The following REPS1 variants were observed in gnomAD, a reference collection of about 807,000 sequenced individuals.
The protein encoded by REPS1 is RALBP1 associated Eps domain containing 1, also known as ralBP1-associated Eps domain-containing protein 1.
Under a neutral mutation model 100.9 loss-of-function variants are expected in REPS1, and 39 were observed. That is an observed-to-expected ratio of 0.39 (90% confidence interval 0.30 to 0.50). The LOEUF (loss-of-function observed/expected upper bound fraction) is 0.50, where lower values mean the gene tolerates loss of function less well. Ranked by LOEUF, REPS1 falls within the 20% of genes least tolerant of loss-of-function variation. The probability of loss-of-function intolerance (pLI) is 0.86; values close to 1 mark genes in which losing one functional copy is unlikely to be tolerated. For synonymous variants in REPS1, 324 were observed against 340.3 expected (o/e 0.95, Z 0.53); for missense variants, 821 against 968.5 (o/e 0.85, Z 2.02).
intron 10 of REPS1, 22 bp from the exon 11 acceptor site, chr6:138,921,146 T>G (rs766438444): frequency 8.1e-6 from 12 of 1,479,800 alleles, no homozygotes; most frequent in African/African-American, 1.4e-5. Flanking sequence ...TGGGAGGAAA[T>G]AAAGAATTTG....
In REPS1 at chr6:138,987,710, C is replaced by A; in HGVS notation, c.-28G>T. 1 of 1,527,666 alleles carries A rather than the reference C, an allele frequency of 6.5e-7. No individual in the cohort carries two copies. The highest frequency in any genetic ancestry group is 8.8e-7 in the Non-Finnish European group (1 of 1,135,362). 94.6% of individuals were successfully genotyped at this position (1,527,666 alleles called of 1,614,324 possible). A position where few individuals can be genotyped will look rare whatever the true frequency, so the allele number is the denominator to read the frequency against. On this transcript the variant is annotated 5_prime_UTR_variant, in exon 1 of 20. Coordinates refer to ENST00000450536, the MANE Select transcript of REPS1 (RefSeq NM_001286611.2). ...TCGCCTCCGGCTCACGGCCGCCCCG[C>A]CCCGCATGCACTACTCGGGGCCCGG... is the stretch of plus-strand genomic sequence containing the variant.
intron 14 of REPS1, 134 bp from the exon 15 acceptor site, chr6:138,914,895 A>C: frequency 6.8e-6 from 5 of 739,368 alleles, no homozygotes; most frequent in Non-Finnish European, 9.0e-6. Flanking sequence ...GGCAAGTACT[A>C]ACTTGTTACA....
At chr6:138,974,063 T>C (rs1267837555) in intron 1 of REPS1, among the ~76,000 whole-genome samples, 1 of 152,110 alleles carries the variant, frequency 6.6e-6, no homozygotes, top group Non-Finnish European at 1.5e-5. Context: ...CCCAGTGCCC[T>C]AGGTACATAC....
rs1047356129 is a variant in REPS1, at chr6:138,976,286, G to T, written c.153+11244C>A. Among the ~76,000 whole-genome samples the T allele has an allele frequency of 3.9e-5, 6 of 152,234 alleles. No homozygotes were observed. In the South Asian group the frequency reaches 1.2e-3, roughly 32 times the overall value. Reference sequence around the variant, plus strand: ...TTGCATAACCCATGGACAAAAAGAAGCAATAATCACTTCATGCAATTTTTT... The same window carrying T: ...TTGCATAACCCATGGACAAAAAGAATCAATAATCACTTCATGCAATTTTTT... On this transcript the variant is annotated intron_variant, in intron 1 of 19. Transcript: ENST00000450536.
At chr6:138,922,504 G>GA (rs1562521655) in intron 10 of REPS1, among the ~76,000 whole-genome samples, 1 of 152,148 alleles carries the variant, frequency 6.6e-6, no homozygotes, top group Non-Finnish European at 1.5e-5. Context: ...AAGCACAAAA[G>GA]AAAGGATGAG....
chr6:138,928,121 T>C (rs1781259132), intron 9 of REPS1: 1 of 152,210 alleles, frequency 6.6e-6, no homozygotes, highest in Non-Finnish European at 1.5e-5. Context: ...CCAGTTACGC[T>C]GTGCAAACTT....
At chr6:138,945,435 A>G in intron 3 of REPS1, 63 bp from the exon 4 acceptor site, 4 of 1,581,396 alleles carry the variant, frequency 2.5e-6, no homozygotes, top group Non-Finnish European at 2.6e-6. Flanking sequence ...TTAAGCTACC[A>G]ATAAGAGCCT....
At chr6:138,965,850 T>G (rs1238997574) in intron 1 of REPS1, among the ~76,000 whole-genome samples, 1 of 152,184 alleles carries the variant, frequency 6.6e-6, no homozygotes, top group South Asian at 2.1e-4. Flanking sequence ...CTCTCTTTTC[T>G]TACATTGAAA....
chr6:138,933,633 A>G (rs1405175614), intron 8 of REPS1, among the ~76,000 whole-genome samples: 4 of 152,214 alleles, frequency 2.6e-5, no homozygotes, highest in African/African-American at 9.6e-5. Flanking sequence ...GTCTTCTATT[A>G]AGACAGATGT....
intron 1 of REPS1, among the ~76,000 whole-genome samples, chr6:138,975,639 C>T (rs892749012): frequency 1.3e-5 from 2 of 152,136 alleles, no homozygotes; most frequent in African/African-American, 4.8e-5. Flanking sequence ...TCGAGACCAG[C>T]CTGGCCAACA....
chr6:138,957,793 T>C (rs538484251), intron 1 of REPS1, among the ~76,000 whole-genome samples: 2 of 152,344 alleles, frequency 1.3e-5, no homozygotes, highest in Admixed American at 1.3e-4. Flanking sequence ...GCTGTAATCA[T>C]AGTACAATAC....
At chr6:138,914,643 C>A in intron 15 of REPS1, 54 bp downstream of exon 15, 1 of 1,375,340 alleles carries the variant, frequency 7.3e-7, no homozygotes, top group Non-Finnish European at 1.0e-6. Flanking sequence ...AATTAAATAC[C>A]TAGCAGGCAA....
intron 17 of REPS1, chr6:138,911,060 C>A: frequency 2.3e-6 from 1 of 434,678 alleles, no homozygotes; most frequent in Non-Finnish European, 4.1e-6. Flanking sequence ...AATGCAATAA[C>A]CACTTAAATT....
At chr6:138,984,331 C>T (rs1324967631) in intron 1 of REPS1, among the ~76,000 whole-genome samples, 1 of 152,154 alleles carries the variant, frequency 6.6e-6, no homozygotes, top group Non-Finnish European at 1.5e-5. Flanking sequence ...GATCCACCTG[C>T]CTCAGCCTCC....
At chr6:138,921,933 C>T (rs1317703299) in intron 10 of REPS1, among the ~76,000 whole-genome samples, 1 of 151,214 alleles carries the variant, frequency 6.6e-6, no homozygotes, top group Non-Finnish European at 1.5e-5. Flanking sequence ...GATCATGCCA[C>T]ATCATTTCAG....
At chr6:138,926,305 T>G (rs772954663) in intron 10 of REPS1, 96 bp downstream of exon 10, 121 of 875,256 alleles carry the variant, frequency 1.4e-4, no homozygotes, top group African/African-American at 1.1e-3. Flanking sequence ...CTCTAAGCAC[T>G]CCACTGAATC....
In REPS1 at chr6:138,945,116, C is replaced by T. The variant is rs1012715223; in HGVS notation, c.628+103G>A. Reference sequence around the variant, plus strand: ...GGTTCTGTGGCACAAGCCTATAATCCCCACCTACTCAGGAGGCTGAGGCAG... The same window carrying T: ...GGTTCTGTGGCACAAGCCTATAATCTCCACCTACTCAGGAGGCTGAGGCAG... On this transcript the variant is annotated intron_variant, in intron 4 of 19. Transcript: ENST00000450536. The T allele has an allele frequency of 8.0e-5, 80 of 996,672 alleles. 1 individual carries two copies. In the Admixed American group the frequency reaches 2.6e-3, roughly 32 times the overall value. The allele number at this position is 996,672 out of a possible 1,614,324, so 61.7% of individuals were successfully genotyped here.
intron 12 of REPS1, among the ~76,000 whole-genome samples, chr6:138,919,975 G>A (rs1456358525): frequency 6.6e-6 from 1 of 152,184 alleles, no homozygotes; most frequent in Non-Finnish European, 1.5e-5. Context: ...AGGAACCACT[G>A]AGGAAGAGCC....
intron 1 of REPS1, among the ~76,000 whole-genome samples, chr6:138,948,211 T>A (rs369662186): frequency 5.3e-4 from 80 of 152,274 alleles, no homozygotes; most frequent in African/African-American, 1.8e-3. Flanking sequence ...CCACCCACTC[T>A]TATTCATAAG....
Sources: gnomAD v4.1 joint callset for allele counts (sites outside exome capture counted in the v4.1 genomes callset) on GRCh38, gnomAD v4.1.1 for gene constraint, MANE v1.5 for transcripts, NCBI Gene and HGNC (gene_info 2026-07-23, HGNC 2026-07-21) for gene names.